The following CSMD1 variants were observed in gnomAD, a reference collection of about 807,000 sequenced individuals.
CSMD1 encodes the protein CUB and Sushi multiple domains 1.
In CSMD1, 213 loss-of-function variants were observed where a neutral mutation model predicts 417.5. The ratio of observed to expected loss-of-function variants is 0.51; its 90% confidence interval spans 0.46 to 0.57. CSMD1 has a LOEUF of 0.57. Among genes scored for constraint, CSMD1 ranks in the 20% least tolerant of loss-of-function variants. The pLI is 0.00. For synonymous variants in CSMD1, 2,862 were observed against 1,736.8 expected (o/e 1.65, Z -16.11); for missense variants, 6,923 against 4,529.7 (o/e 1.53, Z -15.17).
In CSMD1 at chr8:4,448,292, A is replaced by G. The variant is rs543954984; in HGVS notation, c.303-28227T>C. Among the ~76,000 whole-genome samples, 14 of 152,332 alleles carry G rather than the reference A, an allele frequency of 9.2e-5. No homozygotes were observed. In the East Asian group the frequency reaches 1.7e-3, roughly 19 times the overall value. Reference sequence around the variant, plus strand: ...TCCAAATATAGTTATAACACAAAAAAGGGTACATTTTGTTTGCCGATCTAG... The same window carrying G: ...TCCAAATATAGTTATAACACAAAAAGGGGTACATTTTGTTTGCCGATCTAG... On this transcript the variant is annotated intron_variant, in intron 2 of 69. Transcript: ENST00000635120.
At chr8:4,079,796 A>G (rs555473590) in intron 3 of CSMD1, among the ~76,000 whole-genome samples, 1 of 152,280 alleles carries the variant, frequency 6.6e-6, no homozygotes, top group African/African-American at 2.4e-5. Flanking sequence ...TCATCAGGTT[A>G]GTAGCAGGGA....
At chr8:3,881,760 A>G (rs776845127) in intron 5 of CSMD1, among the ~76,000 whole-genome samples, 2 of 152,170 alleles carry the variant, frequency 1.3e-5, no homozygotes, top group East Asian at 1.9e-4. Context: ...GAAATTAATT[A>G]CTTAAGACTC....
intron 10 of CSMD1, among the ~76,000 whole-genome samples, chr8:3,522,458 T>C (rs1346783192): frequency 6.6e-6 from 1 of 152,228 alleles, no homozygotes; most frequent in Non-Finnish European, 1.5e-5. Flanking sequence ...AAGAGACAGC[T>C]GCATTTACTT....
chr8:3,647,363 A>G (rs570590136), intron 7 of CSMD1, among the ~76,000 whole-genome samples: 1 of 134,016 alleles, frequency 7.5e-6, no homozygotes, highest in South Asian at 2.7e-4. Flanking sequence ...AATATCACGT[A>G]AAGTGAAATA....
At chr8:4,895,565 C>T (rs1804428742) in intron 1 of CSMD1, among the ~76,000 whole-genome samples, 1 of 151,996 alleles carries the variant, frequency 6.6e-6, no homozygotes, top group African/African-American at 2.4e-5. Flanking sequence ...AGAAATTTTG[C>T]TGATTCAAAG....
At chr8:2,947,246 A>C (rs904470306) in intron 68 of CSMD1, among the ~76,000 whole-genome samples, 13 of 152,196 alleles carry the variant, frequency 8.5e-5, no homozygotes, top group African/African-American at 3.1e-4. Context: ...TTTTTGCATT[A>C]AATTTGTCTT....
chr8:3,638,373 C>G (rs966073356), intron 7 of CSMD1, among the ~76,000 whole-genome samples: 1 of 152,176 alleles, frequency 6.6e-6, no homozygotes, highest in African/African-American at 2.4e-5. Flanking sequence ...GAGGCTGTAG[C>G]CAGGTATCAG....
intron 1 of CSMD1, among the ~76,000 whole-genome samples, chr8:4,950,513 C>G (rs1016256633): frequency 1.3e-5 from 2 of 152,112 alleles, no homozygotes; most frequent in Non-Finnish European, 2.9e-5. Context: ...TAAACATACA[C>G]TACTTTATTC....
chr8:4,056,375 G>A (rs949047056), intron 3 of CSMD1, among the ~76,000 whole-genome samples: 3 of 150,510 alleles, frequency 2.0e-5, no homozygotes, highest in East Asian at 1.9e-4. Context: ...GAGCCACCAT[G>A]CCCAGCCATA....
chr8:4,111,541 T>C (rs949296533), intron 3 of CSMD1, among the ~76,000 whole-genome samples: 39 of 152,154 alleles, frequency 2.6e-4, no homozygotes, highest in Non-Finnish European at 5.7e-4. Context: ...ACTGATAGAC[T>C]GGATAAAGAA....
At chr8:3,314,894 C>T (rs545666812) in intron 23 of CSMD1, among the ~76,000 whole-genome samples, 56 of 152,306 alleles carry the variant, frequency 3.7e-4, no homozygotes, top group African/African-American at 1.2e-3. Flanking sequence ...GGCTGAACAA[C>T]GAGCTCACAG....
intron 41 of CSMD1, among the ~76,000 whole-genome samples, chr8:3,140,844 A>T (rs1193900849): frequency 6.6e-6 from 1 of 152,220 alleles, no homozygotes; most frequent in Admixed American, 6.5e-5. Flanking sequence ...ACTTTTTCAC[A>T]TGTCAAAAAT....
intron 3 of CSMD1, among the ~76,000 whole-genome samples, chr8:4,224,298 AC>A: frequency 6.6e-6 from 1 of 152,316 alleles, no homozygotes; most frequent in South Asian, 2.1e-4. Flanking sequence ...AATATACAAA[AC>A]ATTAAGATAT....
intron 10 of CSMD1, among the ~76,000 whole-genome samples, chr8:3,558,873 G>GC (rs1410158920): frequency 6.6e-6 from 1 of 152,018 alleles, no homozygotes; most frequent in African/African-American, 2.4e-5. Flanking sequence ...TTCACCTGCC[G>GC]CCCTGTAGTT....
intron 1 of CSMD1, among the ~76,000 whole-genome samples, chr8:4,725,829 A>G (rs1809397522): frequency 6.6e-6 from 1 of 152,120 alleles, no homozygotes; most frequent in Admixed American, 6.5e-5. Flanking sequence ...TGTAATGTTC[A>G]CGACGTGGCT....
intron 3 of CSMD1, among the ~76,000 whole-genome samples, chr8:4,134,515 T>C (rs1457032675): frequency 6.6e-6 from 1 of 152,170 alleles, no homozygotes; most frequent in Non-Finnish European, 1.5e-5. Context: ...TCCAGAACTG[T>C]GAGAAGATAA....
intron 2 of CSMD1, among the ~76,000 whole-genome samples, chr8:4,576,234 C>A (rs756031357): frequency 6.6e-6 from 1 of 152,220 alleles, no homozygotes; most frequent in Non-Finnish European, 1.5e-5. Context: ...CTTCTGAATT[C>A]CAGGCACCCT....
At chr8:4,606,437 G>C (rs945541931) in intron 2 of CSMD1, among the ~76,000 whole-genome samples, 3 of 152,118 alleles carry the variant, frequency 2.0e-5, no homozygotes, top group Non-Finnish European at 4.4e-5. Flanking sequence ...AGTGCTGCTA[G>C]TGGCTGTTCT....
chr8:3,877,522 G>C lies in CSMD1; in HGVS notation c.818+120381C>G, dbSNP rs143680428. On this transcript the variant is annotated intron_variant, in intron 5 of 69. Transcript: ENST00000635120. Reference sequence around the variant, plus strand: ...GAAATTTACTTATGGATACCCTCAAGCTTCGATGTTCCCCATATTCAGGTA... The same window carrying C: ...GAAATTTACTTATGGATACCCTCAACCTTCGATGTTCCCCATATTCAGGTA... Among the ~76,000 whole-genome samples the C allele has an allele frequency of 4.4e-3, 668 of 152,240 alleles. 4 individuals carry two copies. Among genetic ancestry groups the C allele is most frequent in the African/African-American group, 0.015 (636 of 41,538 alleles).
Sources: allele counts gnomAD v4.1 joint callset (sites outside exome capture counted in the v4.1 genomes callset), GRCh38; gene constraint gnomAD v4.1.1; transcripts MANE v1.5; gene names NCBI Gene and HGNC (gene_info 2026-07-23, HGNC 2026-07-21).